DDX43: variants seen among roughly 807,000 people sequenced by gnomAD.
DDX43 encodes probable ATP-dependent RNA helicase DDX43.
DDX43 carries 50 observed loss-of-function variants against 84.9 expected under a neutral mutation model. That is an observed-to-expected ratio of 0.59 (90% confidence interval 0.47 to 0.75). The LOEUF is 0.75. Among genes scored for constraint, DDX43 ranks in the 30% least tolerant of loss-of-function variants. The pLI is 0.00. For synonymous variants in DDX43, 291 were observed against 266.3 expected (o/e 1.09, Z -0.90); for missense variants, 689 against 798.6 (o/e 0.86, Z 1.65).
chr6:73,396,981 A>G (rs1261091946), intron 1 of DDX43, among the ~76,000 whole-genome samples: 5 of 152,230 alleles, frequency 3.3e-5, no homozygotes, highest in African/African-American at 1.2e-4. Flanking sequence ...ATAAATGGGT[A>G]GCTTCCACCT....
intron 10 of DDX43, among the ~76,000 whole-genome samples, chr6:73,411,315 C>T (rs907032792): frequency 6.6e-6 from 1 of 150,686 alleles, no homozygotes; most frequent in African/African-American, 2.4e-5. Context: ...CCTTTTAGTA[C>T]CTTTTTTTCT....
intron 2 of DDX43, 172 bp downstream of exon 2, chr6:73,397,916 G>GC: frequency 2.1e-6 from 1 of 478,176 alleles, no homozygotes; most frequent in Non-Finnish European, 3.7e-6. Flanking sequence ...TCCTGCTTCA[G>GC]CCTCCTGAGT....
intron 11 of DDX43, among the ~76,000 whole-genome samples, chr6:73,412,910 G>A (rs570349127): frequency 6.6e-6 from 1 of 152,230 alleles, no homozygotes; most frequent in Non-Finnish European, 1.5e-5. Context: ...TTGTATTTTA[G>A]TAGAGACAGG....
chr6:73,407,124 AT>A (rs969352252), intron 7 of DDX43: 137 of 158,648 alleles, frequency 8.6e-4, no homozygotes, highest in South Asian at 2.4e-3. Flanking sequence ...ATTGCTACAA[AT>A]TTTTTTTTTG....
intron 15 of DDX43, among the ~76,000 whole-genome samples, chr6:73,415,814 T>C (rs1769888755): frequency 6.6e-6 from 1 of 151,064 alleles, no homozygotes; most frequent in South Asian, 2.1e-4. Flanking sequence ...AGAGTGGAGG[T>C]GGGGAAAGTT....
chr6:73,415,664 T>A, intron 15 of DDX43, 80 bp downstream of exon 15: 2 of 1,011,984 alleles, frequency 2.0e-6, no homozygotes, highest in Non-Finnish European at 1.5e-6. Context: ...GCTTGCTATT[T>A]ATCAGGAAGC....
At chr6:73,409,491 A>G in intron 10 of DDX43, 143 bp downstream of exon 10, 1 of 686,276 alleles carries the variant, frequency 1.5e-6, no homozygotes, top group Non-Finnish European at 2.5e-6. Flanking sequence ...TTGGAAGTAG[A>G]ACAGTGTAAC....
Position 73,414,529 on chromosome 6 carries a change from A to C in DDX43, c.1607-19A>C, listed in dbSNP as rs1769865661. 6.2e-7 allele frequency: 1 copy of C among 1,605,368 alleles called. No homozygotes were observed. Among genetic ancestry groups the C allele is most frequent in the Non-Finnish European group, 8.5e-7 (1 of 1,175,494 alleles). On this transcript the variant is annotated intron_variant, in intron 13 of 16. Coordinates refer to ENST00000370336, the MANE Select transcript of DDX43 (RefSeq NM_018665.3). ...TTTATACCAGAATGGTTCAGTGTTC[A>C]TTTGGCTTTACTTTTTAGGCAAAGT... is the stretch of plus-strand genomic sequence containing the variant.
chr6:73,398,471 T>A (rs1769512679), intron 2 of DDX43, among the ~76,000 whole-genome samples: 1 of 152,128 alleles, frequency 6.6e-6, no homozygotes, highest in Admixed American at 6.5e-5. Context: ...AGGCTAGTCT[T>A]GAACTCCTGA....
intron 16 of DDX43, among the ~76,000 whole-genome samples, chr6:73,416,670 A>G (rs1476282176): frequency 6.6e-6 from 1 of 152,208 alleles, no homozygotes; most frequent in Admixed American, 6.5e-5. Flanking sequence ...ACAGTGACAA[A>G]GTAGAATGGT....
At chr6:73,407,923 T>G (rs763788395) in intron 8 of DDX43, 37 bp from the exon 9 acceptor site, 1 of 1,583,710 alleles carries the variant, frequency 6.3e-7, no homozygotes, top group Non-Finnish European at 8.6e-7. Context: ...AGATATTCTG[T>G]GCCTAAACAT....
rs577492663 is a variant in DDX43, at chr6:73,395,260, A to G, written c.250+105A>G. ...CCTCACCTCCAATCAGCTGCCACCTAGTGAGGTTCAGGTCTCTCCCAGAGC... is the reference window on the plus strand; with the variant it reads ...CCTCACCTCCAATCAGCTGCCACCTGGTGAGGTTCAGGTCTCTCCCAGAGC... On this transcript the variant is annotated intron_variant, in intron 1 of 16. Transcript: ENST00000370336. The G allele has an allele frequency of 1.3e-3, 1,739 of 1,359,060 alleles. 4 individuals are homozygous for G. Among genetic ancestry groups the G allele is most frequent in the South Asian group, 1.8e-3 (129 of 70,052 alleles). 84.2% of individuals were successfully genotyped at this position (1,359,060 alleles called of 1,614,324 possible). A position where few individuals can be genotyped will look rare whatever the true frequency, so the allele number is the denominator to read the frequency against.
In DDX43 at chr6:73,409,363, A is replaced by G; in HGVS notation, c.1280+15A>G. Reference sequence around the variant, plus strand: ...GTTATGACCAGGTACGTATATGCTTAATTACTGTGTGCAGAATAGAAATCA... The same window carrying G: ...GTTATGACCAGGTACGTATATGCTTGATTACTGTGTGCAGAATAGAAATCA... On this transcript the variant is annotated intron_variant, in intron 10 of 16. Transcript: ENST00000370336. The G allele has an allele frequency of 6.5e-7, 1 of 1,549,592 alleles. No homozygotes were observed. The highest frequency in any genetic ancestry group is 8.9e-7 in the Non-Finnish European group (1 of 1,121,572).
At chr6:73,412,321 A>G in intron 11 of DDX43, 29 bp downstream of exon 11, 1 of 1,577,060 alleles carries the variant, frequency 6.3e-7, no homozygotes, top group Non-Finnish European at 8.6e-7. Flanking sequence ...CTATTGTTTA[A>G]CATTTCTTAT....
chr6:73,408,666 C>G (rs2150797008), intron 9 of DDX43, among the ~76,000 whole-genome samples: 1 of 152,042 alleles, frequency 6.6e-6, no homozygotes, highest in African/African-American at 2.4e-5. Context: ...AAGTGATTCT[C>G]CTGCCTCAGC....
chr6:73,412,698 C>T (rs527628603), intron 11 of DDX43, among the ~76,000 whole-genome samples: 11 of 111,412 alleles, frequency 9.9e-5, no homozygotes, highest in Admixed American at 5.1e-4. Flanking sequence ...TGTGCGCGTG[C>T]GTGCGCACGC....
chr6:73,395,163 T>G lies in DDX43; in HGVS notation c.250+8T>G, dbSNP rs1164431812. The G allele has an allele frequency of 2.5e-6, 4 of 1,601,090 alleles. No homozygotes were observed. Among genetic ancestry groups the G allele is most frequent in the Non-Finnish European group, 3.4e-6 (4 of 1,174,030 alleles). On this transcript the variant is annotated splice_region_variant and intron_variant, in intron 1 of 16. Transcript: ENST00000370336. ...TTGTTGGCGCGGTAATCGGTGAGAATGGGAGTGGCTGGCAGGGCAGGATAG... is the reference window on the plus strand; with the variant it reads ...TTGTTGGCGCGGTAATCGGTGAGAAGGGGAGTGGCTGGCAGGGCAGGATAG...
In DDX43 at chr6:73,414,007, A is replaced by G. The variant is rs746259096; in HGVS notation, c.1534A>G (p.Ile512Val). The G allele has an allele frequency of 6.2e-7, 1 of 1,612,510 alleles. No homozygotes were observed. Among genetic ancestry groups the G allele is most frequent in the South Asian group, 1.1e-5 (1 of 91,052 alleles). The change falls in exon 13 of 17, where the codon ATA becomes GTA. Residue 512 changes from isoleucine (I) to valine (V), a missense_variant. Physicochemically the swap from Ile to Val is conservative, Grantham distance 29. Coordinates refer to ENST00000370336, the MANE Select transcript of DDX43 (RefSeq NM_018665.3). The part of the protein sequence containing the change: ...HLSSDLILGN[I>V]SVESLHGDRE... The stretch of plus-strand genomic sequence containing the variant: ...ATCAAGTGACCTAATACTTGGAAAT[A>G]TATCAGTAGAGTCTCTGCATGGAGA...
chr6:73,407,616 G>A lies in DDX43; in HGVS notation c.1037+1G>A. ...AATATTCATATAAAGGGCTTCGGAG[G>A]TAAGTAATTTTTTTTCCCATTCCTT... On this transcript the variant is annotated splice_donor_variant, in intron 8 of 16. Coordinates refer to ENST00000370336, the MANE Select transcript of DDX43 (RefSeq NM_018665.3). LOFTEE classifies it high-confidence loss of function. 1.3e-6 allele frequency: 2 copies of A among 1,593,716 alleles called. 1 individual carries two copies. Among genetic ancestry groups the A allele is most frequent in the East Asian group, 4.5e-5 (2 of 44,792 alleles).
Sources: gnomAD v4.1 joint callset for allele counts (sites outside exome capture counted in the v4.1 genomes callset) on GRCh38, gnomAD v4.1.1 for gene constraint, MANE v1.5 for transcripts, NCBI Gene and HGNC (gene_info 2026-07-23, HGNC 2026-07-21) for gene names.